Variants in GALNT17 observed in about 807,000 individuals in gnomAD.
GALNT17 encodes the protein UDP-GalNAc:polypeptide N-acetylgalactosaminyltransferase-like 3.
Under a neutral mutation model 63.7 loss-of-function variants are expected in GALNT17, and 29 were observed. The ratio of observed to expected loss-of-function variants is 0.46; its 90% CI spans 0.34 to 0.62. GALNT17 has a LOEUF of 0.62. Among genes scored for constraint, GALNT17 ranks in the 20% least tolerant of loss-of-function variants. GALNT17 has a pLI of 0.01. For missense variants in GALNT17, 603 were observed against 799.6 expected, an observed-to-expected ratio of 0.75 and a Z score of 2.97; for synonymous variants, 305 against 318.3, an observed-to-expected ratio of 0.96 and a Z score of 0.45.
At chr7:71,417,277 T>TA (rs1196122580) in intron 4 of GALNT17, among the ~76,000 whole-genome samples, 1 of 152,154 alleles carries the variant, frequency 6.6e-6, no homozygotes, top group Non-Finnish European at 1.5e-5. Flanking sequence ...AATGGCAGGA[T>TA]AAAAAGACAA....
At chr7:71,264,411 T>C (rs1391558748) in intron 1 of GALNT17, among the ~76,000 whole-genome samples, 1 of 152,178 alleles carries the variant, frequency 6.6e-6, no homozygotes, top group Non-Finnish European at 1.5e-5. Context: ...ACAGTCACGT[T>C]ATTGAACCTA....
At chr7:71,616,687 AAT>A (rs1443371189) in intron 6 of GALNT17, among the ~76,000 whole-genome samples, 5 of 83,678 alleles carry the variant, frequency 6.0e-5, no homozygotes, top group Non-Finnish European at 1.2e-4. Context: ...AATACATTAT[AAT>A]ATATAATATA....
chr7:71,494,080 A>G (rs937331837), intron 5 of GALNT17, among the ~76,000 whole-genome samples: 15 of 152,134 alleles, frequency 9.9e-5, no homozygotes, highest in African/African-American at 3.1e-4. Context: ...TCACAGTTCC[A>G]CTTGGCTGGG....
At chr7:71,178,904 T>C (rs1751265773) in intron 1 of GALNT17, among the ~76,000 whole-genome samples, 1 of 152,214 alleles carries the variant, frequency 6.6e-6, no homozygotes. Context: ...TCAGATTATA[T>C]TTTTTCATTT....
chr7:71,389,639 T>G (rs1328027512), intron 3 of GALNT17, among the ~76,000 whole-genome samples: 1 of 152,112 alleles, frequency 6.6e-6, no homozygotes, highest in East Asian at 1.9e-4. Flanking sequence ...ACTTCCTTCT[T>G]CTCATTAGCT....
intron 1 of GALNT17, among the ~76,000 whole-genome samples, chr7:71,267,477 G>A (rs971794011): frequency 2.0e-5 from 3 of 151,752 alleles, no homozygotes; most frequent in African/African-American, 7.3e-5. Context: ...GAATAATTCA[G>A]CTAGAAATAG....
chr7:71,326,105 A>T (rs928069645), intron 1 of GALNT17, among the ~76,000 whole-genome samples: 3 of 152,042 alleles, frequency 2.0e-5, no homozygotes, highest in Non-Finnish European at 4.4e-5. Flanking sequence ...TAATTTTAGA[A>T]CGTTTTATTG....
chr7:71,490,657 C>T (rs367918053), intron 5 of GALNT17, among the ~76,000 whole-genome samples: 13 of 150,620 alleles, frequency 8.6e-5, no homozygotes, highest in African/African-American at 2.2e-4. Context: ...CACAGTACTT[C>T]GGGAGGCTGA....
intron 1 of GALNT17, among the ~76,000 whole-genome samples, chr7:71,199,357 G>A (rs926284491): frequency 6.6e-6 from 1 of 152,150 alleles, no homozygotes; most frequent in Non-Finnish European, 1.5e-5. Context: ...ATTGGCATAT[G>A]TAAGTGGTTT....
chr7:71,148,935 T>C (rs966461338), intron 1 of GALNT17, among the ~76,000 whole-genome samples: 57 of 149,130 alleles, frequency 3.8e-4, no homozygotes, highest in African/African-American at 1.3e-3. Flanking sequence ...GATTTTGTTG[T>C]TTTGTTGTTG....
intron 2 of GALNT17, among the ~76,000 whole-genome samples, chr7:71,366,443 T>C (rs987042551): frequency 3.3e-5 from 5 of 152,118 alleles, no homozygotes; most frequent in East Asian, 1.9e-4. Flanking sequence ...TAGCTAGGCA[T>C]GGTGGCGGGC....
chr7:71,611,832 GGAT>G (rs1392224658), intron 6 of GALNT17, among the ~76,000 whole-genome samples: 2 of 152,020 alleles, frequency 1.3e-5, no homozygotes, highest in African/African-American at 4.8e-5. Flanking sequence ...GTAAAGGGAT[GGAT>G]GGAAGAAAAT....
At chr7:71,249,930 A>C (rs2116487223) in intron 1 of GALNT17, among the ~76,000 whole-genome samples, 1 of 152,320 alleles carries the variant, frequency 6.6e-6, no homozygotes, top group Non-Finnish European at 1.5e-5. Context: ...GCATTTCAAT[A>C]TTTTTAACAA....
intron 1 of GALNT17, among the ~76,000 whole-genome samples, chr7:71,230,897 T>C (rs2116444796): frequency 6.6e-6 from 1 of 151,790 alleles, no homozygotes; most frequent in Admixed American, 6.6e-5. Flanking sequence ...TGTGTTAGAG[T>C]TGTAAAGTCT....
At chr7:71,656,252 G>A (rs917577024) in intron 6 of GALNT17, among the ~76,000 whole-genome samples, 3 of 152,122 alleles carry the variant, frequency 2.0e-5, no homozygotes, top group African/African-American at 7.2e-5. Flanking sequence ...AATTACAACC[G>A]TGATAAGGGC....
At chr7:71,233,598 T>C (rs1789833514) in intron 1 of GALNT17, among the ~76,000 whole-genome samples, 1 of 152,132 alleles carries the variant, frequency 6.6e-6, no homozygotes. Flanking sequence ...TCTGGGAGCC[T>C]ATATTCAGGA....
intron 3 of GALNT17, among the ~76,000 whole-genome samples, chr7:71,410,866 A>G (rs935569430): frequency 6.6e-5 from 10 of 152,036 alleles, no homozygotes; most frequent in Non-Finnish European, 1.2e-4. Flanking sequence ...ACCTCCTCAA[A>G]TGCTGTTTAT....
chr7:71,186,209 A>G (rs1252699711), intron 1 of GALNT17, among the ~76,000 whole-genome samples: 1 of 152,186 alleles, frequency 6.6e-6, no homozygotes, highest in African/African-American at 2.4e-5. Flanking sequence ...TAATTTCCTT[A>G]TATTATTTCA....
At chr7:71,138,406 T>A (rs1030079260) in intron 1 of GALNT17, among the ~76,000 whole-genome samples, 30 of 152,218 alleles carry the variant, frequency 2.0e-4, no homozygotes, top group African/African-American at 7.0e-4. Context: ...TTCATCCTGG[T>A]CATCTTCACA....
Sources: allele counts gnomAD v4.1 joint callset (sites outside exome capture counted in the v4.1 genomes callset), GRCh38; gene constraint gnomAD v4.1.1; transcripts MANE v1.5; gene names NCBI Gene and HGNC (gene_info 2026-07-23, HGNC 2026-07-21).